CELF2: variants seen among roughly 807,000 people sequenced by gnomAD.
CELF2 encodes the protein CUG triplet repeat RNA-binding protein 2.
Under a neutral mutation model 62.6 loss-of-function variants are expected in CELF2, and 8 were observed. The observed-to-expected ratio is 0.13, with a 90% CI of 0.07 to 0.23. The LOEUF (loss-of-function observed/expected upper bound fraction) is 0.23. Ranked by LOEUF, CELF2 falls within the 10% of genes least tolerant of loss-of-function variation. The probability of loss-of-function intolerance (pLI) is 1.00; values close to 1 mark genes in which losing one functional copy is unlikely to be tolerated. For synonymous variants in CELF2, 258 were observed against 250.0 expected, an observed-to-expected ratio of 1.03 and a Z score of -0.30; for missense variants, 333 against 671.0, an observed-to-expected ratio of 0.50 and a Z score of 5.56.
At position 10,919,412 on chromosome 10, in the gene CELF2, A is replaced by G. The variant is rs189471186; in HGVS notation, c.54-552A>G. Among the ~76,000 whole-genome samples the G allele has an allele frequency of 6.6e-4, 101 of 152,350 alleles. 1 individual carries two copies. The South Asian group carries it at 0.019, about 29-fold the overall frequency. ...TTTCTTTTGTGCCATTTGAATTATC[A>G]TAGTATCTACCTTCAACAGTCCTAA... On this transcript the variant is annotated intron_variant, in intron 1 of 13. Transcript: ENST00000636488.
chr10:10,588,521 G>C, the CELF2 span, among the ~76,000 whole-genome samples: 2 of 152,150 alleles, frequency 1.3e-5, no homozygotes. Flanking sequence ...TGGCACTCTG[G>C]CTGTCACCTC....
chr10:11,222,437 T>G (rs2065137349), intron 3 of CELF2, among the ~76,000 whole-genome samples: 1 of 152,240 alleles, frequency 6.6e-6, no homozygotes, highest in Non-Finnish European at 1.5e-5. Context: ...TAGAGTATTT[T>G]TTTCTCACAT....
chr10:10,765,415 CCAGAGCAAAGAGCCTTGGA>C, the CELF2 span, among the ~76,000 whole-genome samples: 2 of 152,216 alleles, frequency 1.3e-5, no homozygotes, highest in South Asian at 2.1e-4. Flanking sequence ...AAGGGCCAGG[CCAGAGCAAAGAGCCTTGGA>C]CCAGGAGGTG....
chr10:11,148,146 G>A (rs2062623228), intron 1 of CELF2, among the ~76,000 whole-genome samples: 1 of 152,210 alleles, frequency 6.6e-6, no homozygotes. Flanking sequence ...CTAAATGTGT[G>A]CATTAAGTTT....
the CELF2 span, among the ~76,000 whole-genome samples, chr10:10,777,126 T>C: frequency 6.6e-6 from 1 of 152,204 alleles, no homozygotes; most frequent in African/African-American, 2.4e-5. Flanking sequence ...TCTCTCAGCA[T>C]TGTGCTCTTG....
chr10:11,254,617 T>A (rs1201535362), intron 4 of CELF2, among the ~76,000 whole-genome samples: 2 of 152,218 alleles, frequency 1.3e-5, no homozygotes, highest in Non-Finnish European at 2.9e-5. Flanking sequence ...TACTATGGCA[T>A]CTCCCTGAAG....
chr10:10,912,722 G>A (rs990785239), intron 1 of CELF2, among the ~76,000 whole-genome samples: 6 of 152,180 alleles, frequency 3.9e-5, no homozygotes, highest in African/African-American at 1.2e-4. Context: ...GCCAGAAGGG[G>A]TGCAGGAGTA....
At chr10:11,197,776 C>T (rs2058330121) in intron 2 of CELF2, among the ~76,000 whole-genome samples, 1 of 152,196 alleles carries the variant, frequency 6.6e-6, no homozygotes, top group African/African-American at 2.4e-5. Flanking sequence ...GTTCTGTCTC[C>T]TCATGCTTAG....
chr10:10,802,728 T>A (rs914438215), intron 1 of CELF2, among the ~76,000 whole-genome samples: 4 of 152,182 alleles, frequency 2.6e-5, no homozygotes, highest in Admixed American at 2.0e-4. Flanking sequence ...AAGGAAGTCA[T>A]AGAACTCATT....
intron 2 of CELF2, among the ~76,000 whole-genome samples, chr10:10,949,297 C>A (rs2048039739): frequency 6.6e-6 from 1 of 152,054 alleles, no homozygotes; most frequent in South Asian, 2.1e-4. Flanking sequence ...ACGTATCAGT[C>A]CCCAAACCCC....
rs2096008723 is a variant in CELF2, at chr10:11,331,263, A to AGAATT, written c.*2212_*2216dup. The AGAATT allele has an allele frequency of 6.6e-6, 1 of 151,336 alleles. No individual in the cohort carries two copies. Among genetic ancestry groups the AGAATT allele is most frequent in the South Asian group, 2.1e-4 (1 of 4,794 alleles). The allele number at this position is 151,336 out of a possible 1,614,324, so 9.4% of individuals were successfully genotyped here. A position where few individuals can be genotyped will look rare whatever the true frequency, so the allele number is the denominator to read the frequency against. On this transcript the variant is annotated 3_prime_UTR_variant, in exon 13 of 13. Coordinates refer to ENST00000633077, the MANE Select transcript of CELF2 (RefSeq NM_001326342.2). ...TGTTCTTTGTTGATAAGACAAGTTT[A>AGAATT]GAATTGGTTTACTTAATACAAAAAA...
At chr10:10,586,300 TC>T in the CELF2 span, among the ~76,000 whole-genome samples, 1 of 152,156 alleles carries the variant, frequency 6.6e-6, no homozygotes, top group Non-Finnish European at 1.5e-5. Context: ...CTCTGGAATA[TC>T]CTGGAATAAC....
At chr10:10,709,917 G>A in the CELF2 span, among the ~76,000 whole-genome samples, 4 of 152,234 alleles carry the variant, frequency 2.6e-5, no homozygotes, top group South Asian at 2.1e-4. Context: ...TCCCCACGAA[G>A]TAACACTGTT....
the CELF2 span, among the ~76,000 whole-genome samples, chr10:10,489,777 G>A: frequency 5.4e-5 from 8 of 149,434 alleles, no homozygotes; most frequent in Non-Finnish European, 1.0e-4. Flanking sequence ...ACGAAAATCA[G>A]CAAAATGGTA....
intron 1 of CELF2, among the ~76,000 whole-genome samples, chr10:11,141,378 C>T (rs917511957): frequency 3.3e-5 from 5 of 152,166 alleles, no homozygotes; most frequent in Admixed American, 2.0e-4. Flanking sequence ...CAGTCAGGAG[C>T]AGAGACTCGG....
At chr10:11,121,782 A>G (rs2057801939) in intron 1 of CELF2, among the ~76,000 whole-genome samples, 1 of 152,074 alleles carries the variant, frequency 6.6e-6, no homozygotes, top group African/African-American at 2.4e-5. Context: ...AGGATGCCCC[A>G]TAGTGTTTCT....
Position 11,075,583 on chromosome 10 carries a change from A to G in CELF2, c.74+57420A>G, listed in dbSNP as rs145953357. Among the ~76,000 whole-genome samples the G allele has an allele frequency of 5.3e-5, 8 of 152,268 alleles. No individual in the cohort carries two copies. The East Asian group carries it at 1.5e-3, about 29-fold the overall frequency. On this transcript the variant is annotated intron_variant, in intron 1 of 12. Coordinates refer to ENST00000633077, the MANE Select transcript of CELF2 (RefSeq NM_001326342.2). The surrounding 1 kb of genome is among the most constrained non-coding windows in gnomAD (Gnocchi z 5.4). Reference sequence around the variant, plus strand: ...GGCTGCTGTGTAAATTAAGTGGATTATTGCTGTGAACATACGTATGGACTT... The same window carrying G: ...GGCTGCTGTGTAAATTAAGTGGATTGTTGCTGTGAACATACGTATGGACTT...
intron 1 of CELF2, among the ~76,000 whole-genome samples, chr10:11,056,838 A>G (rs1211323540): frequency 1.3e-5 from 2 of 152,218 alleles, no homozygotes; most frequent in Non-Finnish European, 2.9e-5. Flanking sequence ...TCCATTAGCA[A>G]TAACTCTGAA....
At chr10:11,182,705 T>C (rs574801982) in intron 2 of CELF2, among the ~76,000 whole-genome samples, 1 of 152,354 alleles carries the variant, frequency 6.6e-6, no homozygotes, top group East Asian at 1.9e-4. Flanking sequence ...CCCCTTTTAA[T>C]TAGACATTCT....
Sources: allele counts gnomAD v4.1 joint callset (sites outside exome capture counted in the v4.1 genomes callset), GRCh38; gene constraint gnomAD v4.1.1; non-coding constraint Gnocchi (gnomAD v3.1); transcripts MANE v1.5; gene names NCBI Gene and HGNC (gene_info 2026-07-23, HGNC 2026-07-21).